Variants in TPTE observed in about 807,000 individuals in gnomAD.
TPTE encodes transmembrane phosphatase with tensin homology.
A neutral mutation model predicts 84.1 loss-of-function variants in TPTE; 59 were observed. That is an observed-to-expected ratio of 0.70 (90% CI 0.57 to 0.87). The LOEUF (loss-of-function observed/expected upper bound fraction) is 0.87, where lower values mean the gene tolerates loss of function less well. TPTE is among the 40% of genes least tolerant of loss of function. TPTE has a pLI of 0.00. For missense variants in TPTE, 382 were observed against 659.6 expected (o/e 0.58, Z 4.61); for synonymous variants, 130 against 223.5 (o/e 0.58, Z 3.73).
chr21:10,559,913 C>G (rs1316366246), intron 9 of TPTE, among the ~76,000 whole-genome samples: 2 of 151,698 alleles, frequency 1.3e-5, no homozygotes, highest in South Asian at 4.1e-4. Context: ...ATATATGAGT[C>G]TCATATATAT....
chr21:10,546,591 C>T (rs1376404692), intron 7 of TPTE, among the ~76,000 whole-genome samples: 1 of 152,308 alleles, frequency 6.6e-6, no homozygotes, highest in African/African-American at 2.4e-5. Flanking sequence ...AGTCAAAAAA[C>T]TTCTTGAAGA....
chr21:10,592,329 A>T lies in TPTE; in HGVS notation c.1126A>T (p.Lys376Ter), dbSNP rs1363177690. Residue 376 changes from lysine (K) to a stop codon, truncating the protein, a stop_gained, in exon 19 of 24, where the codon AAA becomes TAA. Coordinates refer to ENST00000618007, the MANE Select transcript of TPTE (RefSeq NM_199261.4). LOFTEE classifies it high-confidence loss of function. ...LYYFGERRTD[K>*]THSEKFQGVK... ...TTATTTTGGAGAAAGGCGAACAGAT[A>T]AAACCCACAGCGAAAAATTTCAGGG... 1 of 1,613,356 alleles carries T rather than the reference A, an allele frequency of 6.2e-7. No individual in the cohort carries two copies. The highest frequency in any genetic ancestry group is 8.5e-7 in the Non-Finnish European group (1 of 1,179,340).
chr21:10,595,910 A>C, intron 19 of TPTE, 72 bp from the exon 20 acceptor site: 1 of 318,438 alleles, frequency 3.1e-6, no homozygotes, highest in Non-Finnish European at 4.2e-6. Context: ...AGCTTTATGC[A>C]AAAAAAAAAA....
intron 2 of TPTE, among the ~76,000 whole-genome samples, chr21:10,524,984 C>T (rs2074053120): frequency 1.3e-5 from 2 of 152,276 alleles, no homozygotes; most frequent in African/African-American, 4.8e-5. Flanking sequence ...ACATTTTAGG[C>T]AGTGTGATAA....
At chr21:10,576,484 C>G (rs2075152588) in intron 14 of TPTE, 1 of 158,812 alleles carries the variant, frequency 6.3e-6, no homozygotes. Flanking sequence ...GAGGATACAC[C>G]TGAAGTATAT....
rs147450542 is a variant in TPTE at position 10,552,383 on chromosome 21, A to G, written c.174-274A>G. On this transcript the variant is annotated intron_variant, in intron 7 of 23. Transcript: ENST00000618007. ...TATATATCCATATACATATTCTTTTATATATCTTTATATGCATATATATAG... is the reference window on the plus strand; with the variant it reads ...TATATATCCATATACATATTCTTTTGTATATCTTTATATGCATATATATAG... Among the ~76,000 whole-genome samples the G allele has an allele frequency of 1.7e-4, 26 of 152,400 alleles. No individual in the cohort carries two copies. The East Asian group carries it at 3.9e-3, about 23-fold the overall frequency.
rs556111149 is a variant in TPTE, at chr21:10,550,087, G to A, written c.174-2570G>A. 3.3e-4 allele frequency among the ~76,000 whole-genome samples: 50 copies of A among 152,384 alleles called. No individual in the cohort carries two copies. The South Asian group carries it at 0.01, about 32-fold the overall frequency. On this transcript the variant is annotated intron_variant, in intron 7 of 23. Transcript: ENST00000618007. ...ACAGCTATCCTTTACAAATGAAGAA[G>A]ACATAAAATCTGTCATAGATAAACA...
intron 22 of TPTE, 77 bp downstream of exon 22, chr21:10,602,227 AT>A (rs1978635003): frequency 6.5e-7 from 1 of 1,536,192 alleles, no homozygotes; most frequent in South Asian, 1.1e-5. Context: ...CTTTACTACA[AT>A]TCCCAACAAG....
chr21:10,601,678 C>T (rs1487790083), intron 21 of TPTE, among the ~76,000 whole-genome samples: 4 of 152,296 alleles, frequency 2.6e-5, no homozygotes, highest in African/African-American at 4.8e-5. Flanking sequence ...TATAGTGAAA[C>T]CCCATCGCTA....
At chr21:10,595,595 C>T (rs1161582634) in intron 19 of TPTE, among the ~76,000 whole-genome samples, 2 of 152,428 alleles carry the variant, frequency 1.3e-5, no homozygotes, top group African/African-American at 4.8e-5. Flanking sequence ...TCACTTATAC[C>T]ATTCTCTCAT....
chr21:10,579,155 CTG>C (rs1335012094), intron 17 of TPTE, among the ~76,000 whole-genome samples: 2 of 152,426 alleles, frequency 1.3e-5, no homozygotes, highest in African/African-American at 4.8e-5. Context: ...TTATTATTAA[CTG>C]TGGTCACTAT....
chr21:10,527,360 T>C lies in TPTE; in HGVS notation c.-96T>C, dbSNP rs1317510132. ...TGCTTTTTACTCTTTGGTAGAGTTA[T>C]GGATTCACTACCAGATTCTACTGTA... On this transcript the variant is annotated 5_prime_UTR_variant, in exon 3 of 24. The change abolishes an upstream ATG in the 5' untranslated region. Coordinates refer to ENST00000618007, the MANE Select transcript of TPTE (RefSeq NM_199261.4). The C allele has an allele frequency of 4.6e-5, 7 of 152,920 alleles. No homozygotes were observed. The highest frequency in any genetic ancestry group is 3.4e-3 in the Middle Eastern group (1 of 296). 9.5% of individuals were successfully genotyped at this position (152,920 alleles called of 1,614,324 possible). A position where few individuals can be genotyped will look rare whatever the true frequency, so the allele number is the denominator to read the frequency against.
chr21:10,585,241 C>CAAAAAAAAAAAAAA (rs61644136), intron 17 of TPTE, among the ~76,000 whole-genome samples: 6 of 144,190 alleles, frequency 4.2e-5, no homozygotes, highest in Admixed American at 6.9e-5. Context: ...AAAAATGAAA[C>CAAAAAAAAAAAAAA]AAAAAAAAAA....
chr21:10,542,055 C>T (rs1334354174), intron 5 of TPTE, among the ~76,000 whole-genome samples: 15 of 152,418 alleles, frequency 9.8e-5, no homozygotes, highest in South Asian at 4.1e-4. Flanking sequence ...TTAAGCAGGA[C>T]ATTGAATGGA....
At chr21:10,533,156 A>T (rs2074208081) in intron 3 of TPTE, among the ~76,000 whole-genome samples, 3 of 152,306 alleles carry the variant, frequency 2.0e-5, no homozygotes, top group Admixed American at 6.5e-5. Flanking sequence ...CTTTTCTACT[A>T]TTTTCTGGGT....
intron 1 of TPTE, among the ~76,000 whole-genome samples, chr21:10,522,997 A>G (rs1327803736): frequency 3.3e-5 from 5 of 152,308 alleles, no homozygotes; most frequent in African/African-American, 1.2e-4. Context: ...AGTCCTATCA[A>G]CCTTGTCTAT....
At chr21:10,534,872 A>T (rs1443638740) in intron 3 of TPTE, among the ~76,000 whole-genome samples, 109 of 152,378 alleles carry the variant, frequency 7.2e-4, no homozygotes, top group African/African-American at 2.5e-3. Context: ...CTTTCAGAAA[A>T]CTGTTGGATT....
intron 21 of TPTE, 78 bp from the exon 22 acceptor site, chr21:10,601,980 G>A (rs1978585148): frequency 1.4e-6 from 2 of 1,476,020 alleles, no homozygotes; most frequent in Non-Finnish European, 1.9e-6. Flanking sequence ...AATACAGGAA[G>A]TCATGATAAG....
At chr21:10,554,062 A>G (rs576771128) in intron 8 of TPTE, among the ~76,000 whole-genome samples, 2 of 152,420 alleles carry the variant, frequency 1.3e-5, no homozygotes, top group East Asian at 1.9e-4. Context: ...TTCTTTAAGC[A>G]TATACTTTTT....
Sources: gnomAD v4.1 joint callset for allele counts (sites outside exome capture counted in the v4.1 genomes callset) on GRCh38, gnomAD v4.1.1 for gene constraint, MANE v1.5 for transcripts, NCBI Gene and HGNC (gene_info 2026-07-23, HGNC 2026-07-21) for gene names.